The following SP8 variants were observed in gnomAD, a reference collection of about 807,000 sequenced individuals.
SP8 encodes the protein transcription factor Sp8.
A neutral mutation model predicts 15.3 loss-of-function variants in SP8; 7 were observed. The ratio of observed to expected loss-of-function variants is 0.46; its 90% CI spans 0.26 to 0.86. SP8 has a LOEUF of 0.86. SP8 is among the 40% of genes least tolerant of loss of function. The pLI, the probability that SP8 is intolerant of heterozygous loss-of-function variation, is 0.16. For missense variants in SP8, 731 were observed against 736.4 expected (o/e 0.99, Z 0.09); for synonymous variants, 415 against 356.3 (o/e 1.16, Z -1.86).
rs370737007 is a variant in SP8 at position 20,785,550 on chromosome 7, C to A, written c.267G>T (p.Ala89=). 4.1e-6 allele frequency: 6 copies of A among 1,473,358 alleles called. No individual in the cohort carries two copies. Among genetic ancestry groups the A allele is most frequent in the Middle Eastern group, 2.5e-4 (1 of 4,032 alleles). The allele number at this position is 1,473,358 out of a possible 1,614,324, so 91.3% of individuals were successfully genotyped here. Residue 89 remains alanine (A), a synonymous_variant, in exon 2 of 2, where the codon GCG becomes GCT. Transcript: ENST00000418710. The surrounding 1 kb of genome is among the most constrained non-coding windows in gnomAD (Gnocchi z 7.2). ...RNGGSSSAAA[A]AAAAAAAAAA... ...CGGCAGCCGCGGCTGCTGCCGCGGC[C>A]GCCGCAGCCGCCGAGGACGAGCCGC...
rs527703400 is a variant in SP8 at position 20,785,115 on chromosome 7, G to T, written c.702C>A (p.Gly234=). 1 of 1,588,110 alleles carries T rather than the reference G, an allele frequency of 6.3e-7. No individual in the cohort carries two copies. Among genetic ancestry groups the T allele is most frequent in the East Asian group, 2.3e-5 (1 of 43,652 alleles). Residue 234 remains glycine (G), a synonymous_variant, in exon 2 of 2, where the codon GGC becomes GGA. Coordinates refer to ENST00000418710, the MANE Select transcript of SP8 (RefSeq NM_182700.6). This position sits in a 1 kb window ranked among gnomAD's most constrained non-coding sequence, Gnocchi z 7.2. ...GASSWWDVGA[G]WIDVQNPNSA... ...TGTTCGGGTTCTGCACGTCGATCCAGCCGGCCCCCACGTCCCACCAGCTGG... is the reference window on the plus strand; with the variant it reads ...TGTTCGGGTTCTGCACGTCGATCCATCCGGCCCCCACGTCCCACCAGCTGG...
Position 20,785,007 on chromosome 7 carries a change from G to A in SP8, c.810C>T (p.Asn270=). The A allele has an allele frequency of 6.3e-7, 1 of 1,576,366 alleles. No individual in the cohort carries two copies. Among genetic ancestry groups the A allele is most frequent in the South Asian group, 1.1e-5 (1 of 88,340 alleles). The change falls in exon 2 of 2, where the codon AAC becomes AAT. Residue 270 remains asparagine, a synonymous_variant. Transcript: ENST00000418710. This position sits in a 1 kb window ranked among gnomAD's most constrained non-coding sequence, Gnocchi z 7.2. ...TSLHSPLGGY[N]SDYSGLSHSA... is the part of the protein sequence containing the mutation. The stretch of plus-strand genomic sequence containing the variant: ...AGTGACTCAGGCCCGAGTAATCCGA[G>A]TTGTAGCCTCCGAGCGGCGAGTGCA...
In SP8 at chr7:20,785,314, G is replaced by C. The variant is rs1239444422; in HGVS notation, c.503C>G (p.Ala168Gly). The stretch of plus-strand genomic sequence containing the variant: ...CTGGTGGGAGCCGTCCTGCGAGTGC[G>C]CGGAGGAGCCGCCGCCGCCGCCCCC... ...GGGGGGGGSS[A>G]HSQDGSHQPV... Residue 168 changes from alanine (A) to glycine (G), a missense_variant, in exon 2 of 2, where the codon GCG (alanine) becomes GGG (glycine). Around this residue, in one of 3 missense-constraint regions of SP8, gnomAD observed 586 missense variants for 524.9 expected, o/e 1.12. Coordinates refer to ENST00000418710, the MANE Select transcript of SP8 (RefSeq NM_182700.6). The surrounding 1 kb of genome is among the most constrained non-coding windows in gnomAD (Gnocchi z 7.2). The C allele has an allele frequency of 6.6e-7, 1 of 1,512,732 alleles. No individual in the cohort carries two copies. Among genetic ancestry groups the C allele is most frequent in the Non-Finnish European group, 8.8e-7 (1 of 1,134,222 alleles). The allele number at this position is 1,512,732 out of a possible 1,614,324, so 93.7% of individuals were successfully genotyped here.
In SP8 at chr7:20,784,931, G is replaced by T; in HGVS notation, c.886C>A (p.His296Asn). Residue 296 changes from histidine (H) to asparagine (N), a missense_variant, in exon 2 of 2, where the codon CAC becomes AAC. By Grantham distance (68) the His-to-Asn change is moderately conservative. Transcript: ENST00000418710. The stretch of plus-strand genomic sequence containing the variant: ...ACTGGCTTGAAGCCGTCCATGAGGT[G>T]CTGCCCGGCGGGGCTGAGCAGGTGC... ...SSHLLSPAGQ[H>N]LMDGFKPVLP... 1.9e-6 allele frequency: 3 copies of T among 1,550,266 alleles called. No individual in the cohort carries two copies. Among genetic ancestry groups the T allele is most frequent in the Non-Finnish European group, 2.6e-6 (3 of 1,154,790 alleles).
rs1215446186 is a variant in SP8, at chr7:20,786,522, G to A, written c.21+256C>T. On this transcript the variant is annotated intron_variant, in intron 1 of 1. Transcript: ENST00000418710. This position sits in a 1 kb window ranked among gnomAD's most constrained non-coding sequence, Gnocchi z 4.4. ...AAATGGGCTGGACGCAGGTCTCCCG[G>A]GCAGGGAGCAGCGAGGCGCTGCGCG... Among the ~76,000 whole-genome samples, 1 of 152,046 alleles carries A rather than the reference G, an allele frequency of 6.6e-6. No homozygotes were observed. The highest frequency in any genetic ancestry group is 2.1e-4 in the South Asian group (1 of 4,824).
chr7:20,785,051 C>G lies in SP8; in HGVS notation c.766G>C (p.Gly256Arg). The G allele has an allele frequency of 6.3e-7, 1 of 1,578,356 alleles. No homozygotes were observed. Among genetic ancestry groups the G allele is most frequent in the Non-Finnish European group, 8.6e-7 (1 of 1,167,424 alleles). ...GAGTGCAGCGAGGTTTGGAGCCCCC[C>G]GGCGGCAGGGTGCAGCGAGCCGGGC... ...ALPGSLHPAA[G>R]GLQTSLHSPL... Residue 256 changes from glycine to arginine, a missense_variant, in exon 2 of 2, where the codon GGG (glycine) becomes CGG (arginine). Gly to Arg is a moderately radical substitution (Grantham distance 125, BLOSUM62 -2). Around this residue, in one of 3 missense-constraint regions of SP8, gnomAD observed 586 missense variants for 524.9 expected, o/e 1.12. Coordinates refer to ENST00000418710, the MANE Select transcript of SP8 (RefSeq NM_182700.6). This position sits in a 1 kb window ranked among gnomAD's most constrained non-coding sequence, Gnocchi z 7.2.
chr7:20,785,954 C>G lies in SP8; in HGVS notation c.22-159G>C. 1 of 1,451,946 alleles carries G rather than the reference C, an allele frequency of 6.9e-7. No homozygotes were observed. The highest frequency in any genetic ancestry group is 9.1e-7 in the Non-Finnish European group (1 of 1,102,484). The allele number at this position is 1,451,946 out of a possible 1,614,324, so 89.9% of individuals were successfully genotyped here. A position where few individuals can be genotyped will look rare whatever the true frequency, so the allele number is the denominator to read the frequency against. ...CGCGCCGCCACCAACTCACCTGGCA[C>G]CCCCAACAGCCCCGGCGCCCGGCCG... On this transcript the variant is annotated intron_variant, in intron 1 of 1. Coordinates refer to ENST00000418710, the MANE Select transcript of SP8 (RefSeq NM_182700.6). The surrounding 1 kb of genome is among the most constrained non-coding windows in gnomAD (Gnocchi z 7.2).
chr7:20,785,534 C>T lies in SP8; in HGVS notation c.283G>A (p.Ala95Thr), dbSNP rs1430469635. 1 of 1,373,970 alleles carries T rather than the reference C, an allele frequency of 7.3e-7. No homozygotes were observed. Among genetic ancestry groups the T allele is most frequent in the South Asian group, 1.4e-5 (1 of 70,512 alleles). 85.1% of individuals were successfully genotyped at this position (1,373,970 alleles called of 1,614,324 possible). ...TCGGACACCAGGGCCGCGGCAGCCG[C>T]GGCTGCTGCCGCGGCCGCCGCAGCC... The part of the protein sequence containing the change: ...SAAAAAAAAA[A>T]AAAALVSDSF... The change falls in exon 2 of 2, where the codon GCG becomes ACG. Residue 95 changes from alanine (A) to threonine (T), a missense_variant. Physicochemically the swap from Ala to Thr is moderately conservative, Grantham distance 58 (BLOSUM62 0). Around this residue, in one of 3 missense-constraint regions of SP8, gnomAD observed 586 missense variants for 524.9 expected, o/e 1.12. Transcript: ENST00000418710. The surrounding 1 kb of genome is among the most constrained non-coding windows in gnomAD (Gnocchi z 7.2).
rs757056862 is a variant in SP8 at position 20,786,816 on chromosome 7, C to T, written c.-18G>A. On this transcript the variant is annotated 5_prime_UTR_variant, in exon 1 of 2. Coordinates refer to ENST00000418710, the MANE Select transcript of SP8 (RefSeq NM_182700.6). The surrounding 1 kb of genome is among the most constrained non-coding windows in gnomAD (Gnocchi z 4.4). The stretch of plus-strand genomic sequence containing the variant: ...GTTGCCATCACACAAAAGTGCCCTC[C>T]TCCTCTCAGAGGATCTTTTTTATAT... 1.9e-6 allele frequency: 3 copies of T among 1,608,542 alleles called. No homozygotes were observed. The highest frequency in any genetic ancestry group is 4.5e-5 in the East Asian group (2 of 44,848).
chr7:20,784,850 A>C lies in SP8; in HGVS notation c.967T>G (p.Ser323Ala). 6.6e-7 allele frequency: 1 copy of C among 1,525,690 alleles called. No individual in the cohort carries two copies. Among genetic ancestry groups the C allele is most frequent in the Non-Finnish European group, 8.7e-7 (1 of 1,142,908 alleles). The allele number at this position is 1,525,690 out of a possible 1,614,324, so 94.5% of individuals were successfully genotyped here. Reference sequence around the variant, plus strand: ...GCCGAAGGCCCAGCGCTCAACATGGAGCCCCCCGCGCCGGCCAGCGGCGAC... The same window carrying C: ...GCCGAAGGCCCAGCGCTCAACATGGCGCCCCCCGCGCCGGCCAGCGGCGAC... The part of the protein sequence containing the change: ...APSPLAGAGG[S>A]MLSAGPSAPL... Residue 323 changes from serine (S) to alanine (A), a missense_variant, in exon 2 of 2, where the codon TCC (serine) becomes GCC (alanine). Ser to Ala is a moderately conservative substitution (Grantham distance 99). Around this residue, in one of 3 missense-constraint regions of SP8, gnomAD observed 586 missense variants for 524.9 expected, o/e 1.12. Transcript: ENST00000418710.
chr7:20,784,247 T>G lies in SP8; in HGVS notation c.*43A>C. 1 of 1,347,344 alleles carries G rather than the reference T, an allele frequency of 7.4e-7. No individual in the cohort carries two copies. The highest frequency in any genetic ancestry group is 9.6e-7 in the Non-Finnish European group (1 of 1,044,460). 83.5% of individuals were successfully genotyped at this position (1,347,344 alleles called of 1,614,324 possible). ...CGGACAGACAGGGCCCAAGAGGACT[T>G]GGTGGGAGGAGGTCGGGGAGAGGGG... On this transcript the variant is annotated 3_prime_UTR_variant, in exon 2 of 2. Transcript: ENST00000418710.
rs1783673284 is a variant in SP8 at position 20,786,171 on chromosome 7, G to T, written c.22-376C>A. 1 of 360,820 alleles carries T rather than the reference G, an allele frequency of 2.8e-6. No individual in the cohort carries two copies. The highest frequency in any genetic ancestry group is 4.1e-6 in the Non-Finnish European group (1 of 244,908). 22.4% of individuals were successfully genotyped at this position (360,820 alleles called of 1,614,324 possible). A position where few individuals can be genotyped will look rare whatever the true frequency, so the allele number is the denominator to read the frequency against. ...GGAAGGAAGTTTTCTTTGCCGAGAA[G>T]CCTGGGGGAAAACCATTGGATTGCT... is the stretch of plus-strand genomic sequence containing the variant. On this transcript the variant is annotated intron_variant, in intron 1 of 1. Coordinates refer to ENST00000418710, the MANE Select transcript of SP8 (RefSeq NM_182700.6). This position sits in a 1 kb window ranked among gnomAD's most constrained non-coding sequence, Gnocchi z 4.4.
rs1163134500 is a variant in SP8 at position 20,783,032 on chromosome 7, T to A, written c.*1258A>T. On this transcript the variant is annotated 3_prime_UTR_variant, in exon 2 of 2. Transcript: ENST00000418710. ...TTGTACAAACCATTAGGTTCAGATA[T>A]ATTTTACAAAGGTTCTTTTTTATTT... The A allele has an allele frequency of 6.6e-6, 1 of 152,458 alleles. No individual in the cohort carries two copies. The highest frequency in any genetic ancestry group is 2.4e-5 in the African/African-American group (1 of 41,466). 9.4% of individuals were successfully genotyped at this position (152,458 alleles called of 1,614,324 possible). A position where few individuals can be genotyped will look rare whatever the true frequency, so the allele number is the denominator to read the frequency against.
chr7:20,785,325 GCC>G lies in SP8; in HGVS notation c.490_491del (p.Gly164ArgfsTer44). The stretch of plus-strand genomic sequence containing the variant: ...CGTCCTGCGAGTGCGCGGAGGAGCC[GCC>G]GCCGCCGCCCCCGCCGCCGCCGCCG... ...GSGGGGGGGGGGSSAHSQDGS... is the reference protein window; with the variant it reads ...GSGGGGGGGGXGSSAHSQDGS... On this transcript the variant is annotated frameshift_variant, in exon 2 of 2. Transcript: ENST00000418710. LOFTEE classifies it low-confidence loss of function (END_TRUNC). The surrounding 1 kb of genome is among the most constrained non-coding windows in gnomAD (Gnocchi z 7.2). The G allele has an allele frequency of 7.0e-7, 1 of 1,436,204 alleles. No homozygotes were observed. Among genetic ancestry groups the G allele is most frequent in the Non-Finnish European group, 9.2e-7 (1 of 1,085,050 alleles). The allele number at this position is 1,436,204 out of a possible 1,614,324, so 89.0% of individuals were successfully genotyped here. A position where few individuals can be genotyped will look rare whatever the true frequency, so the allele number is the denominator to read the frequency against.
In SP8 at chr7:20,785,115, G is replaced by A. The variant is rs527703400; in HGVS notation, c.702C>T (p.Gly234=). ...TGTTCGGGTTCTGCACGTCGATCCA[G>A]CCGGCCCCCACGTCCCACCAGCTGG... ...GASSWWDVGA[G]WIDVQNPNSA... is the part of the protein sequence containing the mutation. The change falls in exon 2 of 2, where the codon GGC becomes GGT. Residue 234 remains glycine (G), a synonymous_variant. Transcript: ENST00000418710. This position sits in a 1 kb window ranked among gnomAD's most constrained non-coding sequence, Gnocchi z 7.2. 1.9e-6 allele frequency: 3 copies of A among 1,588,110 alleles called. No individual in the cohort carries two copies. In the East Asian group the frequency reaches 6.9e-5, roughly 36 times the overall value.
rs1256088302 is a variant in SP8, at chr7:20,785,632, C to A, written c.185G>T (p.Cys62Phe). ...KRSSSSSSAS[C>F]NVVGSSLSSF... ...TGAGAGACTGGAACCCACTACGTTG[C>A]AGCTGGCGGAAGAAGAGGACGAGGA... Residue 62 changes from cysteine to phenylalanine, a missense_variant, in exon 2 of 2, where the codon TGC becomes TTC. Transcript: ENST00000418710. This position sits in a 1 kb window ranked among gnomAD's most constrained non-coding sequence, Gnocchi z 7.2. 1.2e-6 allele frequency: 2 copies of A among 1,609,788 alleles called. No individual in the cohort carries two copies.
chr7:20,786,830 T>C lies in SP8; in HGVS notation c.-32A>G, dbSNP rs1300608157. The C allele has an allele frequency of 6.3e-7, 1 of 1,579,112 alleles. No homozygotes were observed. Among genetic ancestry groups the C allele is most frequent in the South Asian group, 1.1e-5 (1 of 90,404 alleles). On this transcript the variant is annotated 5_prime_UTR_variant, in exon 1 of 2. Coordinates refer to ENST00000418710, the MANE Select transcript of SP8 (RefSeq NM_182700.6). The surrounding 1 kb of genome is among the most constrained non-coding windows in gnomAD (Gnocchi z 4.4). The stretch of plus-strand genomic sequence containing the variant: ...AAAGTGCCCTCCTCCTCTCAGAGGA[T>C]CTTTTTTATATTGATAAATCAGAGG...
At position 20,784,441 on chromosome 7, in the gene SP8, C is replaced by A. The variant is rs1406678092; in HGVS notation, c.1376G>T (p.Gly459Val). Residue 459 changes from glycine to valine, a missense_variant, in exon 2 of 2, where the codon GGC becomes GTC. This residue lies in a region of SP8 where 114 missense variants were observed against 111.9 expected (regional missense o/e 1.02). Transcript: ENST00000418710. ...GCCCGCCGAGCCGCCGCCGCCGCCGCCGCCACTGTGCGTCTTCACGTGCTT... is the reference window on the plus strand; with the variant it reads ...GCCCGCCGAGCCGCCGCCGCCGCCGACGCCACTGTGCGTCTTCACGTGCTT... ...LSKHVKTHSG[G>V]GGGGGSAGSG... is the part of the protein sequence containing the mutation. 1.3e-6 allele frequency: 2 copies of A among 1,538,528 alleles called. No homozygotes were observed. Among genetic ancestry groups the A allele is most frequent in the Non-Finnish European group, 8.7e-7 (1 of 1,144,314 alleles).
At position 20,784,089 on chromosome 7, in the gene SP8, A is replaced by G. The variant is rs917714991; in HGVS notation, c.*201T>C. 3 of 503,112 alleles carry G rather than the reference A, an allele frequency of 6.0e-6. No individual in the cohort carries two copies. In the African/African-American group the frequency reaches 6.1e-5, roughly 10 times the overall value. The allele number at this position is 503,112 out of a possible 1,614,324, so 31.2% of individuals were successfully genotyped here. ...GAAAGGGAAAGCCAGGGCCCGGGACAGCGATGCGTGTTACTTACTTGTCCA... is the reference window on the plus strand; with the variant it reads ...GAAAGGGAAAGCCAGGGCCCGGGACGGCGATGCGTGTTACTTACTTGTCCA... On this transcript the variant is annotated 3_prime_UTR_variant, in exon 2 of 2. Coordinates refer to ENST00000418710, the MANE Select transcript of SP8 (RefSeq NM_182700.6).
Sources: allele counts gnomAD v4.1 joint callset (sites outside exome capture counted in the v4.1 genomes callset), GRCh38; gene constraint gnomAD v4.1.1; regional missense constraint gnomAD v4.1.1; non-coding constraint Gnocchi (gnomAD v3.1); transcripts MANE v1.5; gene names NCBI Gene and HGNC (gene_info 2026-07-23, HGNC 2026-07-21).